ETFBKMT: variants seen among roughly 807,000 people sequenced by gnomAD.
ETFBKMT encodes the protein electron transfer flavoprotein beta subunit lysine methyltransferase.
ETFBKMT carries 13 observed loss-of-function variants against 18.3 expected under a neutral mutation model. The ratio of observed to expected loss-of-function variants is 0.71; its 90% confidence interval spans 0.46 to 1.13. The LOEUF is 1.13. Ranked by LOEUF, ETFBKMT falls within the 50% of genes most tolerant of loss-of-function variation. ETFBKMT has a pLI of 0.00. For missense variants in ETFBKMT, 293 were observed against 306.2 expected (o/e 0.96, Z 0.32); for synonymous variants, 84 against 107.9 (o/e 0.78, Z 1.37).
At chr12:31,650,906 T>C (rs932621087) in intron 1 of ETFBKMT, among the ~76,000 whole-genome samples, 47 of 152,166 alleles carry the variant, frequency 3.1e-4, no homozygotes, top group African/African-American at 1.1e-3. Flanking sequence ...GGCTGACACA[T>C]CCAGTTTCTT....
chr12:31,669,229 A>C lies in ETFBKMT; in HGVS notation c.*1239A>C, dbSNP rs1018579037. 8 of 152,120 alleles carry C rather than the reference A, an allele frequency of 5.3e-5. No individual in the cohort carries two copies. The highest frequency in any genetic ancestry group is 1.4e-4 in the African/African-American group (6 of 41,404). The allele number at this position is 152,120 out of a possible 1,614,324, so 9.4% of individuals were successfully genotyped here. ...AGATTCCTTCTTATATAGAGTCTGA[A>C]GCTTGCAGTTTTTTTCACCTGTAAT... On this transcript the variant is annotated 3_prime_UTR_variant, in exon 4 of 4. Coordinates refer to ENST00000357721, the MANE Select transcript of ETFBKMT (RefSeq NM_001135863.2).
upstream of ETFBKMT, among the ~76,000 whole-genome samples, chr12:31,657,473 GA>G (rs944793191): frequency 6.6e-6 from 1 of 152,028 alleles, no homozygotes; most frequent in Non-Finnish European, 1.5e-5. Context: ...CTAAGTTTCA[GA>G]AAAAAATCAT....
rs1592140829 is a variant in ETFBKMT, at chr12:31,670,579, A to C, written c.*2589A>C. Reference sequence around the variant, plus strand: ...CTTTCTAGGCTCAGGTAATCCTCCCACTTCAGCCTCCTTAGTAGCTAGGAC... The same window carrying C: ...CTTTCTAGGCTCAGGTAATCCTCCCCCTTCAGCCTCCTTAGTAGCTAGGAC... On this transcript the variant is annotated 3_prime_UTR_variant, in exon 4 of 4. Coordinates refer to ENST00000357721, the MANE Select transcript of ETFBKMT (RefSeq NM_001135863.2). The C allele has an allele frequency of 1.3e-5, 2 of 151,802 alleles. No individual in the cohort carries two copies. Among genetic ancestry groups the C allele is most frequent in the Non-Finnish European group, 2.9e-5 (2 of 67,968 alleles). 9.4% of individuals were successfully genotyped at this position (151,802 alleles called of 1,614,324 possible).
chr12:31,662,195 A>G lies in ETFBKMT; in HGVS notation c.242A>G (p.Glu81Gly). Residue 81 changes from glutamate (E) to glycine (G), a missense_variant, in exon 2 of 4, where the codon GAG (glutamate) becomes GGG (glycine). Coordinates refer to ENST00000357721, the MANE Select transcript of ETFBKMT (RefSeq NM_001135863.2). ...ACCCCCAGATGCAAATTCTGGTGGGAGAGAGCTGACCTGTGGCCCCACAGT... is the reference window on the plus strand; with the variant it reads ...ACCCCCAGATGCAAATTCTGGTGGGGGAGAGCTGACCTGTGGCCCCACAGT... Reference protein sequence around the residue: ...LLTPRCKFWWERADLWPHSDP... With the variant: ...LLTPRCKFWWGRADLWPHSDP... 6.2e-7 allele frequency: 1 copy of G among 1,614,196 alleles called. No individual in the cohort carries two copies. The highest frequency in any genetic ancestry group is 8.5e-7 in the Non-Finnish European group (1 of 1,180,024).
At chr12:31,663,216 C>T (rs1951150606) in intron 2 of ETFBKMT, among the ~76,000 whole-genome samples, 1 of 152,130 alleles carries the variant, frequency 6.6e-6, no homozygotes, top group African/African-American at 2.4e-5. Context: ...CCTCACCCTC[C>T]TGAGTAGCTG....
chr12:31,667,859 G>A lies in ETFBKMT; in HGVS notation c.658G>A (p.Gly220Arg), dbSNP rs1489973513. 1 of 1,614,180 alleles carries A rather than the reference G, an allele frequency of 6.2e-7. No homozygotes were observed. The highest frequency in any genetic ancestry group is 2.2e-5 in the East Asian group (1 of 44,890). The change falls in exon 4 of 4, where the codon GGG (glycine) becomes AGG (arginine). Residue 220 changes from glycine (G) to arginine (R), a missense_variant. Gly to Arg is a moderately radical substitution (Grantham distance 125). Coordinates refer to ENST00000357721, the MANE Select transcript of ETFBKMT (RefSeq NM_001135863.2). The part of the protein sequence containing the change: ...YRTRVLIGDP[G>R]RPQFSGHSIQ... ...AACTCGAGTACTGATTGGTGACCCT[G>A]GGCGGCCCCAGTTCAGTGGACACAG...
chr12:31,664,939 C>CT (rs57572915), intron 2 of ETFBKMT, among the ~76,000 whole-genome samples: 10,093 of 121,446 alleles, frequency 0.083, 447 homozygotes, highest in Middle Eastern at 0.18. Flanking sequence ...TTCTTTCTTT[C>CT]TTTTTTTTTT....
Position 31,661,992 on chromosome 12 carries a change from C to T in ETFBKMT, c.39C>T (p.His13=). 6.2e-7 allele frequency: 1 copy of T among 1,614,218 alleles called. No individual in the cohort carries two copies. The highest frequency in any genetic ancestry group is 8.5e-7 in the Non-Finnish European group (1 of 1,180,042). ...TAGGTTGGAAAGCACACAGGAACCA[C>T]TGTGGTCTCCTCTTGCAGGCTCTGC... ...LSLGWKAHRN[H]CGLLLQALRS... The change falls in exon 2 of 4, where the codon CAC becomes CAT. Residue 13 remains histidine (H), a synonymous_variant. Transcript: ENST00000357721.
intron 1 of ETFBKMT, among the ~76,000 whole-genome samples, chr12:31,650,847 A>G (rs908799659): frequency 2.6e-5 from 4 of 152,168 alleles, no homozygotes; most frequent in Admixed American, 6.5e-5. Context: ...CACAGTGGAC[A>G]GGGTCTATGC....
chr12:31,650,000 A>G (rs1951002190), intron 1 of ETFBKMT, among the ~76,000 whole-genome samples: 1 of 32,044 alleles, frequency 3.1e-5, no homozygotes, highest in Admixed American at 3.1e-4. Context: ...CAAGTGATCC[A>G]CCTGCCTCCC....
rs774637167 is a variant in ETFBKMT at position 31,667,678 on chromosome 12, A to C, written c.477A>C (p.Glu159Asp). 3 of 1,613,176 alleles carry C rather than the reference A, an allele frequency of 1.9e-6. No homozygotes were observed. Among genetic ancestry groups the C allele is most frequent in the Non-Finnish European group, 2.5e-6 (3 of 1,179,728 alleles). Reference sequence around the variant, plus strand: ...GAATGGCTATTACACTAAATTGTGAATTGAACAGACTGAATCCTTTTCCTA... The same window carrying C: ...GAATGGCTATTACACTAAATTGTGACTTGAACAGACTGAATCCTTTTCCTA... ...IAGMAITLNCELNRLNPFPIL... is the reference protein window; with the variant it reads ...IAGMAITLNCDLNRLNPFPIL... The change falls in exon 4 of 4, where the codon GAA (glutamate) becomes GAC (aspartate). Residue 159 changes from glutamate to aspartate, a missense_variant. By Grantham distance (45) the Glu-to-Asp change is conservative. Transcript: ENST00000357721.
intron 2 of ETFBKMT, among the ~76,000 whole-genome samples, chr12:31,663,656 AAC>A (rs1951158195): frequency 6.6e-6 from 1 of 152,254 alleles, no homozygotes; most frequent in South Asian, 2.1e-4. Context: ...CAAGGCAGCA[AAC>A]AGTTTGTTAA....
chr12:31,650,428 C>G (rs576163128), intron 1 of ETFBKMT, among the ~76,000 whole-genome samples: 2 of 152,260 alleles, frequency 1.3e-5, no homozygotes, highest in African/African-American at 2.4e-5. Flanking sequence ...AAATGGGCAA[C>G]AAGCAACCCT....
chr12:31,667,754 G>T lies in ETFBKMT; in HGVS notation c.553G>T (p.Val185Phe). The change falls in exon 4 of 4, where the codon GTT becomes TTT. Residue 185 changes from valine (V) to phenylalanine (F), a missense_variant. By Grantham distance (50) the Val-to-Phe change is conservative. Transcript: ENST00000357721. Reference protein sequence around the residue: ...NLEQDKWDLVVLGDMFYDEDL... With the variant: ...NLEQDKWDLVFLGDMFYDEDL... ...GGAACAAGATAAGTGGGACCTTGTT[G>T]TTCTTGGCGATATGTTTTATGATGA... The T allele has an allele frequency of 6.8e-6, 11 of 1,613,872 alleles. No individual in the cohort carries two copies. The highest frequency in any genetic ancestry group is 9.3e-6 in the Non-Finnish European group (11 of 1,179,960).
upstream of ETFBKMT, chr12:31,659,041 T>C (rs959045636): frequency 1.3e-5 from 2 of 152,156 alleles, no homozygotes; most frequent in African/African-American, 4.8e-5. Context: ...GAATGAACTT[T>C]TTAGGAATCA....
chr12:31,648,360 G>GT (rs35137084), intron 1 of ETFBKMT, among the ~76,000 whole-genome samples: 1,776 of 117,838 alleles, frequency 0.015, 65 homozygotes, highest in African/African-American at 0.046. Context: ...GATGTAAATA[G>GT]TTTTTTTTTT....
intron 1 of ETFBKMT, among the ~76,000 whole-genome samples, chr12:31,648,495 G>A (rs111368749): frequency 5.3e-4 from 80 of 150,756 alleles, no homozygotes; most frequent in African/African-American, 1.7e-3. Flanking sequence ...CTGAGTAGCC[G>A]GGATTATAGG....
upstream of ETFBKMT, among the ~76,000 whole-genome samples, chr12:31,658,016 G>A (rs2139615452): frequency 6.6e-6 from 1 of 152,254 alleles, no homozygotes; most frequent in Middle Eastern, 3.4e-3. Flanking sequence ...ATTATTAAAT[G>A]CATCTTCAGT....
At chr12:31,649,978 A>G in intron 1 of ETFBKMT, among the ~76,000 whole-genome samples, 1 of 114,446 alleles carries the variant, frequency 8.7e-6, no homozygotes, top group African/African-American at 3.2e-5. Flanking sequence ...GTTGGTCTCG[A>G]ACTCCTGGCC....
Sources: gnomAD v4.1 joint callset for allele counts (sites outside exome capture counted in the v4.1 genomes callset) on GRCh38, gnomAD v4.1.1 for gene constraint, MANE v1.5 for transcripts, NCBI Gene and HGNC (gene_info 2026-07-23, HGNC 2026-07-21) for gene names.